UBXN7: variants seen among roughly 807,000 people sequenced by gnomAD.
The protein encoded by UBXN7 is UBX domain-containing protein 7.
In UBXN7, 9 loss-of-function variants were observed where a neutral mutation model predicts 58.0. The ratio of observed to expected loss-of-function variants is 0.16; its 90% CI spans 0.09 to 0.27. The LOEUF (loss-of-function observed/expected upper bound fraction) is 0.27, where lower values mean the gene tolerates loss of function less well. Among genes scored for constraint, UBXN7 ranks in the 10% least tolerant of loss-of-function variants. UBXN7 has a pLI of 1.00. For synonymous variants in UBXN7, 208 were observed against 205.0 expected (o/e 1.01, Z -0.12); for missense variants, 328 against 599.6 (o/e 0.55, Z 4.73).
chr3:196,429,486 T>C (rs1730956062), intron 1 of UBXN7, among the ~76,000 whole-genome samples: 1 of 152,184 alleles, frequency 6.6e-6, no homozygotes, highest in African/African-American at 2.4e-5. Flanking sequence ...TTATTTTTTC[T>C]TTTTCTTTTT....
chr3:196,417,862 G>T (rs899394577), intron 1 of UBXN7, among the ~76,000 whole-genome samples: 2 of 150,836 alleles, frequency 1.3e-5, no homozygotes. Context: ...GAGTTTTGAG[G>T]CTGCTGTGAG....
At chr3:196,366,925 G>A (rs918154788) in intron 8 of UBXN7, among the ~76,000 whole-genome samples, 3 of 152,006 alleles carry the variant, frequency 2.0e-5, no homozygotes, top group African/African-American at 4.8e-5. Flanking sequence ...GCTCACGCCT[G>A]TAATCCCAGC....
chr3:196,418,726 T>A (rs944115351), intron 1 of UBXN7, among the ~76,000 whole-genome samples: 2 of 152,162 alleles, frequency 1.3e-5, no homozygotes, highest in Non-Finnish European at 2.9e-5. Context: ...CACAGGTCTA[T>A]AGAGCTAAAC....
intron 10 of UBXN7, among the ~76,000 whole-genome samples, chr3:196,359,002 A>T (rs2108825684): frequency 6.6e-6 from 1 of 152,068 alleles, no homozygotes; most frequent in South Asian, 2.1e-4. Flanking sequence ...AAGCTCACTG[A>T]ACTTACTCCA....
At chr3:196,401,240 C>A (rs1220421843) in intron 3 of UBXN7, among the ~76,000 whole-genome samples, 1 of 44,926 alleles carries the variant, frequency 2.2e-5, no homozygotes, top group African/African-American at 9.5e-5. Context: ...GGAGAAACCC[C>A]GTCTCTCCAA....
Position 196,348,992 on chromosome 3 carries a change from TAACAAC to T in UBXN7, c.*7687_*7692del, listed in dbSNP as rs113229781. 2.6e-5 allele frequency: 4 copies of T among 152,048 alleles called. No individual in the cohort carries two copies. Among genetic ancestry groups the T allele is most frequent in the Admixed American group, 2.0e-4 (3 of 15,262 alleles). The allele number at this position is 152,048 out of a possible 1,614,324, so 9.4% of individuals were successfully genotyped here. A position where few individuals can be genotyped will look rare whatever the true frequency, so the allele number is the denominator to read the frequency against. On this transcript the variant is annotated 3_prime_UTR_variant, in exon 11 of 11. Transcript: ENST00000296328. ...GTAACACTGGATGTTTAGAATTTGT[TAACAAC>T]AACAACAACAAAAAACCATTCTGGA...
At chr3:196,357,973 T>G (rs141346550) in intron 10 of UBXN7, among the ~76,000 whole-genome samples, 1,776 of 151,736 alleles carry the variant, frequency 0.012, 16 homozygotes, top group Non-Finnish European at 0.018. Context: ...CAGGCAGAGG[T>G]TGCAGTGAGC....
At chr3:196,405,935 GT>G (rs1470067101) in intron 2 of UBXN7, among the ~76,000 whole-genome samples, 1 of 152,064 alleles carries the variant, frequency 6.6e-6, no homozygotes, top group Non-Finnish European at 1.5e-5. Context: ...GAGAAAACAT[GT>G]TTTATACAAT....
At chr3:196,371,567 C>G (rs371458865) in intron 6 of UBXN7, among the ~76,000 whole-genome samples, 1 of 152,070 alleles carries the variant, frequency 6.6e-6, no homozygotes, top group African/African-American at 2.4e-5. Context: ...CTGCAGTCTC[C>G]GCTACCCGGG....
At chr3:196,403,220 C>T (rs1244641697) in intron 2 of UBXN7, among the ~76,000 whole-genome samples, 2 of 152,180 alleles carry the variant, frequency 1.3e-5, no homozygotes, top group South Asian at 2.1e-4. Context: ...TGGACCGACA[C>T]GATCTTGGCT....
At chr3:196,359,837 C>T (rs1203622150) in intron 10 of UBXN7, among the ~76,000 whole-genome samples, 3 of 151,138 alleles carry the variant, frequency 2.0e-5, no homozygotes, top group Non-Finnish European at 4.4e-5. Context: ...ACCCGGGAGG[C>T]GGAGGTTGCA....
At position 196,391,822 on chromosome 3, in the gene UBXN7, G is replaced by A. The variant is rs778781071; in HGVS notation, c.459C>T (p.Ser153=). Residue 153 remains serine, a synonymous_variant, in exon 5 of 11, where the codon AGC becomes AGT. Coordinates refer to ENST00000296328, the MANE Select transcript of UBXN7 (RefSeq NM_015562.2). ...CTCTCCAACAACTTACTGTTTCAAA[G>A]CTGCCTTTATGCATCAAATCAATGG... is the stretch of plus-strand genomic sequence containing the variant. ...RPPIDLMHKG[S]FETAKECGQM... The A allele has an allele frequency of 4.4e-6, 7 of 1,607,370 alleles. No individual in the cohort carries two copies. The East Asian group carries it at 1.1e-4, about 26-fold the overall frequency.
intron 5 of UBXN7, among the ~76,000 whole-genome samples, chr3:196,372,293 T>C (rs1037268616): frequency 1.1e-4 from 16 of 146,906 alleles, no homozygotes; most frequent in Middle Eastern, 6.9e-3. Flanking sequence ...TTTGTTATAA[T>C]AGCTGATTCT....
intron 10 of UBXN7, among the ~76,000 whole-genome samples, chr3:196,359,235 T>C (rs1303807401): frequency 1.3e-5 from 2 of 152,202 alleles, no homozygotes; most frequent in African/African-American, 4.8e-5. Context: ...TTGATGTTAC[T>C]ATTCTGCTTT....
chr3:196,417,673 C>A (rs1345425653), intron 1 of UBXN7, among the ~76,000 whole-genome samples: 1 of 134,520 alleles, frequency 7.4e-6, no homozygotes, highest in African/African-American at 2.8e-5. Context: ...AAGGCCGAGG[C>A]AGACGGACTG....
intron 1 of UBXN7, chr3:196,431,960 AGAT>A (rs1226544868): frequency 9.4e-6 from 4 of 426,442 alleles, no homozygotes; most frequent in East Asian, 5.1e-5. Context: ...AGAGAAGGGA[AGAT>A]GATGAAGGAG....
intron 5 of UBXN7, 143 bp downstream of exon 5, chr3:196,391,670 G>A (rs1729586617): frequency 1.8e-6 from 1 of 547,748 alleles, no homozygotes; most frequent in Admixed American, 3.6e-5. Context: ...AGAGTTCAAG[G>A]CTGCAGTGAG....
At chr3:196,404,305 C>G (rs1730090209) in intron 2 of UBXN7, among the ~76,000 whole-genome samples, 1 of 150,002 alleles carries the variant, frequency 6.7e-6, no homozygotes, top group African/African-American at 2.5e-5. Flanking sequence ...CTCTGTGGCC[C>G]AGGCTGGAGT....
Position 196,378,782 on chromosome 3 carries a change from G to C in UBXN7, c.469-6740C>G, listed in dbSNP as rs146953606. On this transcript the variant is annotated intron_variant, in intron 5 of 10. Transcript: ENST00000296328. ...GCCAGCTTCTTTCCATGTTGGTTTT[G>C]GGGGGTTTTAGCCAGCTTCTTTCCA... Among the ~76,000 whole-genome samples the C allele has an allele frequency of 5.1e-3, 772 of 151,350 alleles. 6 individuals are homozygous for C. The highest frequency in any genetic ancestry group is 0.018 in the African/African-American group (747 of 41,150).
Sources: gnomAD v4.1 joint callset for allele counts (sites outside exome capture counted in the v4.1 genomes callset) on GRCh38, gnomAD v4.1.1 for gene constraint, MANE v1.5 for transcripts, NCBI Gene and HGNC (gene_info 2026-07-23, HGNC 2026-07-21) for gene names.